CCDC69: variants seen among roughly 807,000 people sequenced by gnomAD.
CCDC69 encodes the protein coiled-coil domain-containing protein 69.
Under a neutral mutation model 40.3 loss-of-function variants are expected in CCDC69, and 38 were observed. That is an observed-to-expected ratio of 0.94 (90% CI 0.73 to 1.24). The LOEUF is 1.24. CCDC69 is among the 50% of genes most tolerant of loss of function. The probability of loss-of-function intolerance (pLI) is 0.00; values close to 1 mark genes in which losing one functional copy is unlikely to be tolerated. For synonymous variants in CCDC69, 141 were observed against 138.9 expected (o/e 1.02, Z -0.11); for missense variants, 389 against 357.9 (o/e 1.09, Z -0.70).
chr5:151,208,307 G>A (rs1174865361), intron 1 of CCDC69, among the ~76,000 whole-genome samples: 1 of 152,156 alleles, frequency 6.6e-6, no homozygotes, highest in Non-Finnish European at 1.5e-5. Flanking sequence ...GAAAATGTTC[G>A]ACAAAAATTA....
chr5:151,184,557 T>G (rs1057031778), intron 7 of CCDC69, 116 bp from the exon 8 acceptor site: 2 of 633,000 alleles, frequency 3.2e-6, no homozygotes, highest in African/African-American at 3.7e-5. Flanking sequence ...GACTAGATGT[T>G]ACATTTCATG....
At chr5:151,186,981 A>G (rs913996445) in intron 5 of CCDC69, among the ~76,000 whole-genome samples, 3 of 151,732 alleles carry the variant, frequency 2.0e-5, no homozygotes, top group Non-Finnish European at 2.9e-5. Context: ...ACCCTTCTTT[A>G]CCAAAGAATT....
chr5:151,204,657 G>A (rs56105239), intron 2 of CCDC69, among the ~76,000 whole-genome samples: 8,052 of 152,084 alleles, frequency 0.053, 310 homozygotes, highest in Non-Finnish European at 0.082. Flanking sequence ...GTTGTTTTAT[G>A]GCAACATATA....
chr5:151,203,308 G>A (rs1752801473), intron 2 of CCDC69, among the ~76,000 whole-genome samples: 1 of 151,682 alleles, frequency 6.6e-6, no homozygotes, highest in African/African-American at 2.4e-5. Context: ...TCAGGAGTTC[G>A]AGACCAGCCT....
At position 151,181,666 on chromosome 5, in the gene CCDC69, T is replaced by C. The variant is rs965789156; in HGVS notation, c.*1771A>G. 3.3e-5 allele frequency: 5 copies of C among 152,246 alleles called. No homozygotes were observed. The highest frequency in any genetic ancestry group is 7.3e-5 in the Non-Finnish European group (5 of 68,062). 9.4% of individuals were successfully genotyped at this position (152,246 alleles called of 1,614,324 possible). The stretch of plus-strand genomic sequence containing the variant: ...TAAGTTTGCCACACACATTGGCATA[T>C]TAAAGGTTCTGAGAAGTCATTCAGG... On this transcript the variant is annotated 3_prime_UTR_variant, in exon 9 of 9. Transcript: ENST00000355417.
chr5:151,201,308 C>G (rs1298494142), intron 3 of CCDC69, among the ~76,000 whole-genome samples: 1 of 152,192 alleles, frequency 6.6e-6, no homozygotes, highest in African/African-American at 2.4e-5. Context: ...CCCAGAAAGG[C>G]AATTAATCTA....
At chr5:151,219,341 G>T (rs1753102894) in intron 1 of CCDC69, among the ~76,000 whole-genome samples, 1 of 151,194 alleles carries the variant, frequency 6.6e-6, no homozygotes, top group Non-Finnish European at 1.5e-5. Flanking sequence ...TCTAAACCCA[G>T]CCAAGATGCT....
Sources: gnomAD v4.1 joint callset for allele counts (sites outside exome capture counted in the v4.1 genomes callset) on GRCh38, gnomAD v4.1.1 for gene constraint, MANE v1.5 for transcripts, NCBI Gene and HGNC (gene_info 2026-07-23, HGNC 2026-07-21) for gene names.